The following FHIT variants were observed in gnomAD, a reference collection of about 807,000 sequenced individuals.
The protein encoded by FHIT is bis(5'-adenosyl)-triphosphatase.
A neutral mutation model predicts 17.9 loss-of-function variants in FHIT; 19 were observed. The observed-to-expected ratio is 1.06, with a 90% confidence interval of 0.74 to 1.56. The LOEUF (loss-of-function observed/expected upper bound fraction) is 1.56, where lower values mean the gene tolerates loss of function less well. Among genes scored for constraint, FHIT ranks in the 40% most tolerant of loss-of-function variants. The pLI is 0.00. For missense variants in FHIT, 248 were observed against 189.2 expected (o/e 1.31, Z -1.82); for synonymous variants, 81 against 69.7 (o/e 1.16, Z -0.81).
chr3:60,465,491 A>G (rs2032734044), intron 5 of FHIT, among the ~76,000 whole-genome samples: 1 of 152,054 alleles, frequency 6.6e-6, no homozygotes, highest in South Asian at 2.1e-4. Context: ...GAGTTCCCCC[A>G]GTGTCTTCTT....
chr3:60,459,227 T>C (rs1037810040), intron 5 of FHIT, among the ~76,000 whole-genome samples: 2 of 152,218 alleles, frequency 1.3e-5, no homozygotes, highest in Non-Finnish European at 2.9e-5. Flanking sequence ...ATTAGTATAT[T>C]TTAAGGGTTG....
At chr3:60,635,191 T>C (rs2039549714) in intron 4 of FHIT, among the ~76,000 whole-genome samples, 1 of 152,232 alleles carries the variant, frequency 6.6e-6, no homozygotes, top group African/African-American at 2.4e-5. Context: ...ATTGTTAGAG[T>C]CAGAAATATA....
chr3:60,188,137 C>T (rs2107459495), intron 5 of FHIT, among the ~76,000 whole-genome samples: 1 of 150,472 alleles, frequency 6.6e-6, no homozygotes, highest in South Asian at 2.1e-4. Context: ...CTGATTTCAA[C>T]ATAGTACAAT....
chr3:59,979,626 G>A lies in FHIT; in HGVS notation c.279+31745C>T, dbSNP rs528964236. 1.8e-4 allele frequency among the ~76,000 whole-genome samples: 27 copies of A among 152,170 alleles called. No homozygotes were observed. In the East Asian group the frequency reaches 5.2e-3, roughly 29 times the overall value. ...ATTATTGGTTAAGCCCATTTAGAAC[G>A]TGTACGCTGTCATGGAACATTCCTA... On this transcript the variant is annotated intron_variant, in intron 7 of 9. Transcript: ENST00000492590.
intron 8 of FHIT, among the ~76,000 whole-genome samples, chr3:59,904,183 T>C (rs1449826412): frequency 7.5e-6 from 1 of 133,846 alleles, no homozygotes; most frequent in African/African-American, 2.8e-5. Flanking sequence ...TCCTCCTTCA[T>C]CAACACCTAA....
intron 4 of FHIT, among the ~76,000 whole-genome samples, chr3:60,713,182 G>A (rs1281597374): frequency 2.6e-5 from 4 of 151,948 alleles, no homozygotes; most frequent in Middle Eastern, 3.2e-3. Context: ...TGACTACTGG[G>A]TACATAATGA....
chr3:60,596,242 T>C (rs2038266932), intron 4 of FHIT: 1 of 158,762 alleles, frequency 6.3e-6, no homozygotes, highest in Non-Finnish European at 1.3e-5. Flanking sequence ...GTTGGCTTCT[T>C]CCCTAGGCCA....
chr3:60,988,870 T>C (rs2029895346), intron 3 of FHIT, among the ~76,000 whole-genome samples: 1 of 142,490 alleles, frequency 7.0e-6, no homozygotes, highest in Non-Finnish European at 1.5e-5. Context: ...CAATGCACTG[T>C]GTAGAATATA....
rs116113504 is a variant in FHIT at position 61,033,674 on chromosome 3, T to G, written c.-111+8373A>C. Reference sequence around the variant, plus strand: ...TATGTATACAGACCCTGGAGACAAGTTGAATAGAAAAACTCTGTTCTTACT... The same window carrying G: ...TATGTATACAGACCCTGGAGACAAGGTGAATAGAAAAACTCTGTTCTTACT... On this transcript the variant is annotated intron_variant, in intron 3 of 9. Coordinates refer to ENST00000492590, the MANE Select transcript of FHIT (RefSeq NM_002012.4). Among the ~76,000 whole-genome samples the G allele has an allele frequency of 2.8e-3, 426 of 152,292 alleles. 4 individuals carry two copies. The highest frequency in any genetic ancestry group is 9.5e-3 in the African/African-American group (395 of 41,560).
intron 5 of FHIT, among the ~76,000 whole-genome samples, chr3:60,168,833 A>G (rs541662386): frequency 7.2e-5 from 11 of 152,138 alleles, no homozygotes; most frequent in Non-Finnish European, 1.5e-4. Flanking sequence ...GCAGTCAAGC[A>G]TCTGAAGATT....
intron 2 of FHIT, among the ~76,000 whole-genome samples, chr3:61,141,333 C>G (rs955393106): frequency 1.3e-5 from 2 of 152,020 alleles, no homozygotes; most frequent in Non-Finnish European, 2.9e-5. Context: ...ACTCAGTCTT[C>G]GGAGCTTCAA....
chr3:61,202,388 G>C (rs1258141781), intron 1 of FHIT, among the ~76,000 whole-genome samples: 1 of 152,202 alleles, frequency 6.6e-6, no homozygotes. Context: ...CATCTGGGAA[G>C]TGAGGAGCGC....
intron 4 of FHIT, among the ~76,000 whole-genome samples, chr3:60,616,029 T>C (rs1227096238): frequency 6.6e-6 from 1 of 152,224 alleles, no homozygotes; most frequent in Non-Finnish European, 1.5e-5. Flanking sequence ...CTCTGATCTG[T>C]CTATGAGTTA....
chr3:60,031,161 C>T (rs1029330144), intron 5 of FHIT, among the ~76,000 whole-genome samples: 3 of 152,104 alleles, frequency 2.0e-5, no homozygotes, highest in Non-Finnish European at 2.9e-5. Context: ...TTCTACAAAA[C>T]ACGTTTTATC....
At chr3:60,724,743 G>A (rs1272867849) in intron 4 of FHIT, among the ~76,000 whole-genome samples, 1 of 149,562 alleles carries the variant, frequency 6.7e-6, no homozygotes, top group East Asian at 2.0e-4. Context: ...CCACCTCCCA[G>A]GTTCAAGCAG....
At chr3:60,920,116 T>C (rs1707205086) in intron 3 of FHIT, among the ~76,000 whole-genome samples, 1 of 151,804 alleles carries the variant, frequency 6.6e-6, no homozygotes, top group Non-Finnish European at 1.5e-5. Context: ...TTAAGCTCAA[T>C]GAATTTAATT....
intron 4 of FHIT, among the ~76,000 whole-genome samples, chr3:60,710,545 T>C (rs2041497828): frequency 6.6e-6 from 1 of 152,196 alleles, no homozygotes; most frequent in Admixed American, 6.5e-5. Flanking sequence ...AGACGGCACC[T>C]GGAAAATCGG....
chr3:60,074,163 G>T (rs893549104), intron 5 of FHIT, among the ~76,000 whole-genome samples: 4 of 152,022 alleles, frequency 2.6e-5, no homozygotes, highest in African/African-American at 9.7e-5. Flanking sequence ...AGCCAAGCTG[G>T]CCCACAGACA....
At chr3:59,793,421 G>A (rs975561580) in intron 8 of FHIT, among the ~76,000 whole-genome samples, 1 of 152,150 alleles carries the variant, frequency 6.6e-6, no homozygotes, top group African/African-American at 2.4e-5. Flanking sequence ...TCGTGATGAA[G>A]GCAACCTTTG....
Sources: gnomAD v4.1 joint callset for allele counts (sites outside exome capture counted in the v4.1 genomes callset) on GRCh38, gnomAD v4.1.1 for gene constraint, MANE v1.5 for transcripts, NCBI Gene and HGNC (gene_info 2026-07-23, HGNC 2026-07-21) for gene names.